The following GRIA4 variants were observed in gnomAD, a reference collection of about 807,000 sequenced individuals.
GRIA4 encodes glutamate receptor 4.
GRIA4 carries 34 observed loss-of-function variants against 104.0 expected under a neutral mutation model. The observed-to-expected ratio is 0.33, with a 90% CI of 0.25 to 0.44. The LOEUF is 0.44. Ranked by LOEUF, GRIA4 falls within the 20% of genes least tolerant of loss-of-function variation. The pLI is 1.00. For missense variants in GRIA4, 750 were observed against 1,096.5 expected (o/e 0.68, Z 4.46); for synonymous variants, 386 against 381.9 (o/e 1.01, Z -0.13).
At chr11:105,828,468 A>T (rs2135925112) in intron 4 of GRIA4, among the ~76,000 whole-genome samples, 1 of 152,126 alleles carries the variant, frequency 6.6e-6, no homozygotes, top group South Asian at 2.1e-4. Context: ...CTACCTAGGC[A>T]GCACTGGCGG....
At chr11:105,759,288 T>A (rs967640252) in intron 4 of GRIA4, among the ~76,000 whole-genome samples, 10 of 152,188 alleles carry the variant, frequency 6.6e-5, no homozygotes, top group African/African-American at 2.2e-4. Flanking sequence ...TATTATGAGA[T>A]TTAAACCTTC....
chr11:105,798,807 C>T (rs1942599478), intron 4 of GRIA4, among the ~76,000 whole-genome samples: 1 of 152,058 alleles, frequency 6.6e-6, no homozygotes, highest in South Asian at 2.1e-4. Context: ...ATTGTCATTA[C>T]TGAAATGAGA....
chr11:105,639,991 C>T (rs192013829), intron 3 of GRIA4, among the ~76,000 whole-genome samples: 1 of 151,910 alleles, frequency 6.6e-6, no homozygotes, highest in East Asian at 1.9e-4. Flanking sequence ...ATTTGTCATA[C>T]TTGTAATGAT....
intron 4 of GRIA4, among the ~76,000 whole-genome samples, chr11:105,839,992 A>C (rs964308345): frequency 6.6e-6 from 1 of 152,166 alleles, no homozygotes; most frequent in African/African-American, 2.4e-5. Flanking sequence ...CTTTCTGCAA[A>C]TGCTGAACTG....
chr11:105,975,424 G>T, intron 16 of GRIA4, among the ~76,000 whole-genome samples: 1 of 151,130 alleles, frequency 6.6e-6, no homozygotes. Context: ...CTCTCATCAT[G>T]GCATAATAAA....
intron 15 of GRIA4, among the ~76,000 whole-genome samples, chr11:105,973,584 A>G (rs1858811848): frequency 6.6e-6 from 1 of 152,038 alleles, no homozygotes; most frequent in African/African-American, 2.4e-5. Context: ...ATACATAAAT[A>G]ACTTATTTCT....
chr11:105,749,182 A>G (rs1039419594), intron 3 of GRIA4, among the ~76,000 whole-genome samples: 1 of 152,202 alleles, frequency 6.6e-6, no homozygotes, highest in Admixed American at 6.5e-5. Flanking sequence ...GTATTCCAAT[A>G]AGATAAAACC....
At position 105,925,939 on chromosome 11, in the gene GRIA4, AT is replaced by A. The variant is rs367952070; in HGVS notation, c.1848-795del. 4.6e-5 allele frequency among the ~76,000 whole-genome samples: 7 copies of A among 152,114 alleles called. No homozygotes were observed. The East Asian group carries it at 1.2e-3, about 25-fold the overall frequency. ...GAGTTCAATGATGAACATTCTCTGG[AT>A]TTTTTTACTCACCCCCTTCTCACAT... On this transcript the variant is annotated intron_variant, in intron 12 of 16. Coordinates refer to ENST00000282499, the MANE Select transcript of GRIA4 (RefSeq NM_000829.4).
intron 4 of GRIA4, among the ~76,000 whole-genome samples, chr11:105,761,493 C>T (rs1940648428): frequency 6.6e-6 from 1 of 152,070 alleles, no homozygotes; most frequent in South Asian, 2.1e-4. Context: ...AGTTTAAACA[C>T]TTTGAGAGTT....
chr11:105,971,990 G>A lies in GRIA4; in HGVS notation c.2371G>A (p.Asp791Asn), dbSNP rs1164181744. Residue 791 changes from aspartate to asparagine, a missense_variant, in exon 15 of 17, where the codon GAT becomes AAT. Physicochemically the swap from Asp to Asn is conservative, Grantham distance 23 (BLOSUM62 1). This residue lies in a region of GRIA4 where 272 missense variants were observed against 524.5 expected (regional missense o/e 0.52). Coordinates refer to ENST00000282499, the MANE Select transcript of GRIA4 (RefSeq NM_000829.4). ...LDKLKNKWWY[D>N]KGECGPKDSG... The stretch of plus-strand genomic sequence containing the variant: ...CAAGCTGAAAAACAAATGGTGGTAC[G>A]ATAAAGGTGAATGTGGACCCAAGGA... 8.7e-6 allele frequency: 14 copies of A among 1,612,754 alleles called. No homozygotes were observed. Among genetic ancestry groups the A allele is most frequent in the African/African-American group, 2.7e-5 (2 of 74,856 alleles).
intron 3 of GRIA4, among the ~76,000 whole-genome samples, chr11:105,625,871 A>T (rs1033983685): frequency 1.3e-5 from 2 of 152,130 alleles, no homozygotes; most frequent in Non-Finnish European, 2.9e-5. Flanking sequence ...CACAGTTAGA[A>T]ATATTTCTTA....
chr11:105,724,054 A>T lies in GRIA4; in HGVS notation c.248-28927A>T, dbSNP rs117135768. Among the ~76,000 whole-genome samples, 1,403 of 152,238 alleles carry T rather than the reference A, an allele frequency of 9.2e-3. 6 individuals carry two copies. Among genetic ancestry groups the T allele is most frequent in the Non-Finnish European group, 0.014 (953 of 67,970 alleles). The stretch of plus-strand genomic sequence containing the variant: ...TGCAGAGAAAAGGGAATGCTCATAC[A>T]GTGTTGGTGGGAATGTAAATTCATA... On this transcript the variant is annotated intron_variant, in intron 3 of 16. Coordinates refer to ENST00000282499, the MANE Select transcript of GRIA4 (RefSeq NM_000829.4).
At chr11:105,697,522 T>C (rs1014879031) in intron 3 of GRIA4, among the ~76,000 whole-genome samples, 6 of 152,136 alleles carry the variant, frequency 3.9e-5, no homozygotes, top group African/African-American at 1.4e-4. Context: ...AACATGCAAA[T>C]TTGCTTTTCA....
chr11:105,943,822 ACAGCTTTACCATCTCTG>A (rs1382947572), intron 14 of GRIA4, among the ~76,000 whole-genome samples: 23 of 152,220 alleles, frequency 1.5e-4, no homozygotes, highest in Admixed American at 1.4e-3. Context: ...CATTTTAAGC[ACAGCTTTACCATCTCTG>A]CAGGTATTTG....
intron 3 of GRIA4, among the ~76,000 whole-genome samples, chr11:105,620,098 C>T (rs550465921): frequency 2.6e-5 from 4 of 151,872 alleles, no homozygotes; most frequent in African/African-American, 9.7e-5. Context: ...CCTACCATCA[C>T]CACTCCTGGA....
At chr11:105,926,392 A>C (rs558519047) in intron 12 of GRIA4, among the ~76,000 whole-genome samples, 5 of 152,154 alleles carry the variant, frequency 3.3e-5, no homozygotes, top group Non-Finnish European at 1.5e-5. Flanking sequence ...GCTGCATCCT[A>C]ATTTCAGAGA....
At chr11:105,780,763 T>C (rs1013265424) in intron 4 of GRIA4, among the ~76,000 whole-genome samples, 1 of 152,174 alleles carries the variant, frequency 6.6e-6, no homozygotes, top group African/African-American at 2.4e-5. Context: ...AACCATATCA[T>C]AGCCATAATT....
chr11:105,827,982 A>G (rs1943838077), intron 4 of GRIA4, among the ~76,000 whole-genome samples: 1 of 152,016 alleles, frequency 6.6e-6, no homozygotes, highest in Admixed American at 6.6e-5. Flanking sequence ...AGCACTTTTT[A>G]TATGTAATGC....
chr11:105,810,918 TA>T (rs528449960), intron 4 of GRIA4, among the ~76,000 whole-genome samples: 79 of 152,088 alleles, frequency 5.2e-4, no homozygotes, highest in Middle Eastern at 3.4e-3. Flanking sequence ...GCATTTTTTT[TA>T]AAAAAAACTA....
Sources: allele counts gnomAD v4.1 joint callset (sites outside exome capture counted in the v4.1 genomes callset), GRCh38; gene constraint gnomAD v4.1.1; regional missense constraint gnomAD v4.1.1; transcripts MANE v1.5; gene names NCBI Gene and HGNC (gene_info 2026-07-23, HGNC 2026-07-21).